The following ECPAS variants were observed in gnomAD, a reference collection of about 807,000 sequenced individuals.
ECPAS encodes the protein proteasome adapter and scaffold protein ECM29.
In ECPAS, 70 loss-of-function variants were observed where a neutral mutation model predicts 255.1. The observed-to-expected ratio is 0.27, with a 90% CI of 0.23 to 0.33. The LOEUF (loss-of-function observed/expected upper bound fraction) is 0.33, where lower values mean the gene tolerates loss of function less well. ECPAS is among the 10% of genes least tolerant of loss of function. The pLI is 1.00. For synonymous variants in ECPAS, 784 were observed against 775.0 expected (o/e 1.01, Z -0.19); for missense variants, 1,817 against 2,206.4 (o/e 0.82, Z 3.54).
Position 111,425,441 on chromosome 9 carries a change from T to C in ECPAS, c.1192A>G (p.Lys398Glu). Residue 398 changes from lysine (K) to glutamate (E), a missense_variant, in exon 12 of 50, where the codon AAG becomes GAG. Lys to Glu is a moderately conservative substitution (Grantham distance 56, BLOSUM62 1). This residue lies in a region of ECPAS where 573 missense variants were observed against 716.2 expected (regional missense o/e 0.80). Coordinates refer to ENST00000684092, the MANE Select transcript of ECPAS (RefSeq NM_001364929.1). ...LGPMLLNGLT[K>E]LINEYKEDPK... is the part of the protein sequence containing the mutation. ...ACCTCTTTGTATTCATTGATTAGCT[T>C]GGTGAGGCCATTCAAAAGCATTGGA... 6.3e-7 allele frequency: 1 copy of C among 1,597,692 alleles called. No individual in the cohort carries two copies. Among genetic ancestry groups the C allele is most frequent in the Non-Finnish European group, 8.5e-7 (1 of 1,173,592 alleles).
In ECPAS at chr9:111,411,029, G is replaced by A. The variant is rs2098193474; in HGVS notation, c.2328C>T (p.Asp776=). 6.2e-7 allele frequency: 1 copy of A among 1,613,784 alleles called. No homozygotes were observed. The highest frequency in any genetic ancestry group is 1.3e-5 in the African/African-American group (1 of 74,904). ...SEQQDLERNA[D]TLPDQEELIQ... ...TGAGTTCCTCTTGATCAGGGAGGGT[G>A]TCAGCATTTCTCTCCAGGTCTTGTT... Residue 776 remains aspartate (D), a synonymous_variant, in exon 22 of 50, where the codon GAC becomes GAT. Coordinates refer to ENST00000684092, the MANE Select transcript of ECPAS (RefSeq NM_001364929.1).
intron 43 of ECPAS, 68 bp from the exon 44 acceptor site, chr9:111,370,833 ATTACAATTACC>A: frequency 7.1e-7 from 1 of 1,403,054 alleles, no homozygotes; most frequent in Non-Finnish European, 9.9e-7. Context: ...CTAAACCATG[ATTACAATTACC>A]TTAGGAATTT....
In ECPAS at chr9:111,384,508, G is replaced by A; in HGVS notation, c.3681+14C>T. ...CTGCTCCACTCCATTCCCAATGTAA[G>A]ACGGGGTTTTCACCTTGCTCAGAGT... On this transcript the variant is annotated intron_variant, in intron 34 of 49. Coordinates refer to ENST00000684092, the MANE Select transcript of ECPAS (RefSeq NM_001364929.1). 6.2e-7 allele frequency: 1 copy of A among 1,612,060 alleles called. No homozygotes were observed. The highest frequency in any genetic ancestry group is 8.5e-7 in the Non-Finnish European group (1 of 1,178,196).
At chr9:111,365,055 G>C (rs1172877191) in intron 48 of ECPAS, among the ~76,000 whole-genome samples, 6 of 152,120 alleles carry the variant, frequency 3.9e-5, no homozygotes, top group African/African-American at 1.4e-4. Context: ...CAGATCACTT[G>C]AGGTCAGGAG....
At chr9:111,466,151 T>C (rs924028373) in intron 2 of ECPAS, among the ~76,000 whole-genome samples, 2 of 151,664 alleles carry the variant, frequency 1.3e-5, no homozygotes, top group Admixed American at 1.3e-4. Context: ...TTAAAGCCTA[T>C]GAAAGAACAA....
In ECPAS at chr9:111,371,780, G is replaced by A; in HGVS notation, c.4578C>T (p.Thr1526=). ...RLYLQELITI[T]QKALQSQSWK... Reference sequence around the variant, plus strand: ...AGGACTGAGACTGCAAAGCCTTCTGGGTAATAGTAATTAACTCCTGCAGGT... The same window carrying A: ...AGGACTGAGACTGCAAAGCCTTCTGAGTAATAGTAATTAACTCCTGCAGGT... The change falls in exon 43 of 50, where the codon ACC becomes ACT. Residue 1526 remains threonine (T), a synonymous_variant. Coordinates refer to ENST00000684092, the MANE Select transcript of ECPAS (RefSeq NM_001364929.1). 1 of 1,613,764 alleles carries A rather than the reference G, an allele frequency of 6.2e-7. No homozygotes were observed. The highest frequency in any genetic ancestry group is 8.5e-7 in the Non-Finnish European group (1 of 1,179,774).
At chr9:111,454,840 A>G in intron 2 of ECPAS, among the ~76,000 whole-genome samples, 1 of 151,816 alleles carries the variant, frequency 6.6e-6, no homozygotes, top group Admixed American at 6.6e-5. Flanking sequence ...AGTAGCTTGG[A>G]CTACAGGCAT....
chr9:111,471,465 T>C (rs1382163171), intron 2 of ECPAS, among the ~76,000 whole-genome samples: 1 of 152,046 alleles, frequency 6.6e-6, no homozygotes, highest in East Asian at 1.9e-4. Context: ...CAGCAATATA[T>C]ATACCAAAAC....
Position 111,376,465 on chromosome 9 carries a change from A to G in ECPAS, c.4020+11T>C. 6.3e-7 allele frequency: 1 copy of G among 1,577,108 alleles called. No homozygotes were observed. The highest frequency in any genetic ancestry group is 2.3e-5 in the East Asian group (1 of 43,598). ...CAAACAAACCCTCTCATTATTATTT[A>G]AGACACTCACCATGTTGATTGTTTC... is the stretch of plus-strand genomic sequence containing the variant. On this transcript the variant is annotated intron_variant, in intron 37 of 49. Transcript: ENST00000684092.
intron 2 of ECPAS, among the ~76,000 whole-genome samples, chr9:111,462,891 C>T (rs946082942): frequency 3.3e-5 from 5 of 151,950 alleles, no homozygotes; most frequent in African/African-American, 7.3e-5. Context: ...TACAGGCATG[C>T]GCCACCACAC....
chr9:111,386,340 T>A, intron 32 of ECPAS, 37 bp downstream of exon 32: 1 of 1,337,036 alleles, frequency 7.5e-7, no homozygotes, highest in East Asian at 2.3e-5. Flanking sequence ...AAAAATTCAG[T>A]TTTATTTGAC....
intron 22 of ECPAS, 95 bp downstream of exon 22, chr9:111,410,885 A>T (rs1215417422): frequency 7.9e-7 from 1 of 1,259,872 alleles, no homozygotes; most frequent in Non-Finnish European, 1.1e-6. Flanking sequence ...TGTCTTTTCA[A>T]ATACAATGCC....
intron 27 of ECPAS, 89 bp from the exon 28 acceptor site, chr9:111,392,971 C>T (rs979362192): frequency 1.5e-5 from 11 of 714,180 alleles, no homozygotes; most frequent in African/African-American, 1.4e-4. Flanking sequence ...TATGTTGACA[C>T]TGACCCAAAA....
intron 3 of ECPAS, among the ~76,000 whole-genome samples, chr9:111,445,385 T>C (rs1334560329): frequency 1.3e-5 from 2 of 151,980 alleles, no homozygotes; most frequent in African/African-American, 4.8e-5. Context: ...GAACAGATTA[T>C]TGCAACACAC....
At chr9:111,394,932 C>T (rs996915777) in intron 25 of ECPAS, among the ~76,000 whole-genome samples, 2 of 152,170 alleles carry the variant, frequency 1.3e-5, no homozygotes, top group African/African-American at 4.8e-5. Context: ...TCAAACTTTG[C>T]TCTTCTCTTT....
In ECPAS at chr9:111,413,887, G is replaced by A. The variant is rs1388789401; in HGVS notation, c.2079+8C>T. 2.6e-6 allele frequency: 4 copies of A among 1,530,314 alleles called. No individual in the cohort carries two copies. Among genetic ancestry groups the A allele is most frequent in the African/African-American group, 1.4e-5 (1 of 72,882 alleles). The allele number at this position is 1,530,314 out of a possible 1,614,324, so 94.8% of individuals were successfully genotyped here. A position where few individuals can be genotyped will look rare whatever the true frequency, so the allele number is the denominator to read the frequency against. On this transcript the variant is annotated splice_region_variant and intron_variant, in intron 20 of 49. Transcript: ENST00000684092. ...TTTTTTTTAAAAAAAGGTACATGCAGAACATACCTTTATCCATTCTGTTTT... is the reference window on the plus strand; with the variant it reads ...TTTTTTTTAAAAAAAGGTACATGCAAAACATACCTTTATCCATTCTGTTTT...
At chr9:111,370,375 A>G (rs2098125861) in intron 45 of ECPAS, 60 bp downstream of exon 45, 1 of 1,219,068 alleles carries the variant, frequency 8.2e-7, no homozygotes, top group South Asian at 1.6e-5. Flanking sequence ...AGGGGAAAAC[A>G]ATTTTTTAAC....
At chr9:111,469,733 C>T (rs541503734) in intron 2 of ECPAS, among the ~76,000 whole-genome samples, 1 of 151,456 alleles carries the variant, frequency 6.6e-6, no homozygotes, top group African/African-American at 2.4e-5. Context: ...GGCGTGAACC[C>T]GGGAGGTGGA....
intron 8 of ECPAS, 118 bp downstream of exon 8, chr9:111,433,115 A>T: frequency 1.0e-6 from 1 of 978,680 alleles, no homozygotes; most frequent in Non-Finnish European, 1.5e-6. Context: ...AGGTATATTT[A>T]ATAATCTCCT....
Sources: gnomAD v4.1 joint callset for allele counts (sites outside exome capture counted in the v4.1 genomes callset) on GRCh38, gnomAD v4.1.1 for gene constraint, gnomAD v4.1.1 regional missense constraint, MANE v1.5 for transcripts, NCBI Gene and HGNC (gene_info 2026-07-23, HGNC 2026-07-21) for gene names.